NCAM2: variants seen among roughly 807,000 people sequenced by gnomAD.
NCAM2 encodes the protein N-CAM-2.
A neutral mutation model predicts 98.1 loss-of-function variants in NCAM2; 30 were observed. That is an observed-to-expected ratio of 0.31 (90% CI 0.23 to 0.41). The LOEUF is 0.41. Ranked by LOEUF, NCAM2 falls within the 10% of genes least tolerant of loss-of-function variation. The pLI is 1.00. For missense variants in NCAM2, 867 were observed against 1,005.8 expected (o/e 0.86, Z 1.87); for synonymous variants, 368 against 342.4 (o/e 1.07, Z -0.83).
intron 1 of NCAM2, among the ~76,000 whole-genome samples, chr21:21,071,508 C>T (rs1014200941): frequency 1.3e-5 from 2 of 152,076 alleles, no homozygotes; most frequent in Non-Finnish European, 2.9e-5. Flanking sequence ...GAGAAGATAA[C>T]ACTTGATATT....
At chr21:21,233,013 A>T (rs1346839037) in intron 1 of NCAM2, among the ~76,000 whole-genome samples, 1 of 151,640 alleles carries the variant, frequency 6.6e-6, no homozygotes, top group East Asian at 1.9e-4. Context: ...CTGAAATGTT[A>T]ACTAATTTTC....
At chr21:21,477,775 C>T (rs1327381620) in intron 15 of NCAM2, among the ~76,000 whole-genome samples, 2 of 152,070 alleles carry the variant, frequency 1.3e-5, no homozygotes, top group East Asian at 3.8e-4. Context: ...TGAGGCCATA[C>T]GAAAGCTTTG....
intron 1 of NCAM2, among the ~76,000 whole-genome samples, chr21:21,196,990 A>G (rs1160656400): frequency 3.3e-5 from 5 of 151,998 alleles, no homozygotes; most frequent in African/African-American, 1.2e-4. Context: ...ACCATGTGAG[A>G]TACACCTGCT....
At chr21:21,315,796 A>G (rs2826786) in intron 5 of NCAM2, among the ~76,000 whole-genome samples, 1,867 of 152,320 alleles carry the variant, frequency 0.012, 41 homozygotes, top group African/African-American at 0.042. Flanking sequence ...ATTTCTTAAT[A>G]GCAATATGTC....
chr21:21,487,357 C>T (rs1428235832), intron 15 of NCAM2, among the ~76,000 whole-genome samples: 1 of 151,928 alleles, frequency 6.6e-6, no homozygotes, highest in Non-Finnish European at 1.5e-5. Context: ...AAAATTTAAA[C>T]TTATTTTAAG....
intron 1 of NCAM2, among the ~76,000 whole-genome samples, chr21:21,061,046 G>A (rs1175696878): frequency 6.6e-6 from 1 of 152,110 alleles, no homozygotes; most frequent in Non-Finnish European, 1.5e-5. Flanking sequence ...AGTTTGCTGA[G>A]AGGAAAAGGA....
At chr21:21,265,074 A>G (rs1277165988) in intron 1 of NCAM2, among the ~76,000 whole-genome samples, 1 of 124,006 alleles carries the variant, frequency 8.1e-6, no homozygotes, top group African/African-American at 2.9e-5. Flanking sequence ...ATGTGTATAT[A>G]TATACACACA....
intron 9 of NCAM2, among the ~76,000 whole-genome samples, chr21:21,377,714 CTTAG>C (rs2076064386): frequency 6.6e-6 from 1 of 151,860 alleles, no homozygotes; most frequent in Non-Finnish European, 1.5e-5. Flanking sequence ...AAAATTTACT[CTTAG>C]TTACTTTGAA....
chr21:21,482,075 G>C (rs892470303), intron 15 of NCAM2, among the ~76,000 whole-genome samples: 1 of 151,964 alleles, frequency 6.6e-6, no homozygotes, highest in African/African-American at 2.4e-5. Flanking sequence ...TCCAGCCTGG[G>C]TGACAGAGCA....
At chr21:21,525,199 A>G (rs1989257774) in intron 16 of NCAM2, among the ~76,000 whole-genome samples, 1 of 152,128 alleles carries the variant, frequency 6.6e-6, no homozygotes, top group Non-Finnish European at 1.5e-5. Context: ...ATCAATAGAG[A>G]AAATTAAAAC....
chr21:21,314,461 C>T (rs1004242397), intron 5 of NCAM2, among the ~76,000 whole-genome samples: 1 of 152,036 alleles, frequency 6.6e-6, no homozygotes, highest in African/African-American at 2.4e-5. Flanking sequence ...TCAACATGAA[C>T]TGTTTTGGGT....
intron 1 of NCAM2, among the ~76,000 whole-genome samples, chr21:21,054,224 T>A (rs532225876): frequency 6.6e-6 from 1 of 152,164 alleles, no homozygotes; most frequent in South Asian, 2.1e-4. Flanking sequence ...TTTTCAATAA[T>A]GTTACATATT....
intron 1 of NCAM2, among the ~76,000 whole-genome samples, chr21:21,105,157 G>C (rs1432644010): frequency 6.6e-6 from 1 of 152,078 alleles, no homozygotes; most frequent in African/African-American, 2.4e-5. Flanking sequence ...TTTTGAGGTA[G>C]CATGTTTACA....
chr21:21,268,563 A>G (rs2072374750), intron 1 of NCAM2, among the ~76,000 whole-genome samples: 1 of 152,068 alleles, frequency 6.6e-6, no homozygotes. Context: ...TGTGAGCTCC[A>G]ATTTCGTTAT....
intron 3 of NCAM2, among the ~76,000 whole-genome samples, chr21:21,285,522 A>G (rs2147524010): frequency 6.6e-6 from 1 of 152,110 alleles, no homozygotes; most frequent in Non-Finnish European, 1.5e-5. Flanking sequence ...TGAAATGGTC[A>G]TTTTATAGAT....
chr21:21,049,235 A>G (rs7282680), intron 1 of NCAM2, among the ~76,000 whole-genome samples: 137,776 of 146,682 alleles, frequency 0.94, 65,339 homozygotes, highest in East Asian at 1. Flanking sequence ...TAGCCAGGAT[A>G]GTCTCGATCT....
At chr21:21,408,941 A>C (rs749607524) in intron 9 of NCAM2, among the ~76,000 whole-genome samples, 16,973 of 150,606 alleles carry the variant, frequency 0.11, 1,255 homozygotes, top group Middle Eastern at 0.21. Context: ...TATTTATATA[A>C]TTAGTAGATA....
At chr21:21,002,237 C>A (rs190567994) in intron 1 of NCAM2, among the ~76,000 whole-genome samples, 1 of 152,032 alleles carries the variant, frequency 6.6e-6, no homozygotes, top group African/African-American at 2.4e-5. Flanking sequence ...AATGCAGAAT[C>A]GGAGCCCATA....
At chr21:21,240,441 A>G (rs1326978754) in intron 1 of NCAM2, among the ~76,000 whole-genome samples, 1 of 151,644 alleles carries the variant, frequency 6.6e-6, no homozygotes, top group African/African-American at 2.4e-5. Flanking sequence ...ATGGATTCTT[A>G]CATAAGATTA....
Sources: gnomAD v4.1 joint callset for allele counts (sites outside exome capture counted in the v4.1 genomes callset) on GRCh38, gnomAD v4.1.1 for gene constraint, MANE v1.5 for transcripts, NCBI Gene and HGNC (gene_info 2026-07-23, HGNC 2026-07-21) for gene names.